RBFOX1: variants seen among roughly 807,000 people sequenced by gnomAD.
RBFOX1 encodes the protein RNA binding fox-1 homolog 1, also known as RNA binding protein fox-1 homolog 1.
RBFOX1 carries 8 observed loss-of-function variants against 57.7 expected under a neutral mutation model. The observed-to-expected ratio is 0.14, with a 90% CI of 0.08 to 0.25. The LOEUF (loss-of-function observed/expected upper bound fraction) is 0.25, where lower values mean the gene tolerates loss of function less well. Among genes scored for constraint, RBFOX1 ranks in the 10% least tolerant of loss-of-function variants. The pLI is 1.00. For missense variants in RBFOX1, 611 were observed against 548.5 expected (o/e 1.11, Z -1.14); for synonymous variants, 326 against 222.4 (o/e 1.47, Z -4.15).
chr16:7,000,857 C>T (rs1029993302), intron 3 of RBFOX1, among the ~76,000 whole-genome samples: 6 of 152,070 alleles, frequency 3.9e-5, no homozygotes, highest in African/African-American at 1.4e-4. Flanking sequence ...CCGCCTCGGC[C>T]TCCCAAAGTG....
intron 10 of RBFOX1, among the ~76,000 whole-genome samples, chr16:7,617,691 G>A (rs2058678509): frequency 6.6e-6 from 1 of 152,066 alleles, no homozygotes; most frequent in South Asian, 2.1e-4. Context: ...TATAGTATCG[G>A]GCGCTAGACA....
chr16:6,095,143 A>G (rs2096229028), intron 1 of RBFOX1, among the ~76,000 whole-genome samples: 1 of 152,238 alleles, frequency 6.6e-6, no homozygotes, highest in Non-Finnish European at 1.5e-5. Flanking sequence ...CCATACATAT[A>G]TCATCATCCT....
At chr16:7,235,518 G>GC (rs1227296428) in intron 4 of RBFOX1, among the ~76,000 whole-genome samples, 1 of 152,136 alleles carries the variant, frequency 6.6e-6, no homozygotes, top group Non-Finnish European at 1.5e-5. Flanking sequence ...CATTTTATGG[G>GC]CCCCCGTAGC....
chr16:6,067,412 C>T (rs562097889), intron 1 of RBFOX1, among the ~76,000 whole-genome samples: 3 of 151,988 alleles, frequency 2.0e-5, no homozygotes, highest in African/African-American at 7.3e-5. Flanking sequence ...AACAAACACC[C>T]TGAAAATACA....
chr16:5,459,117 T>C (rs1483175263), intron 1 of RBFOX1, among the ~76,000 whole-genome samples: 2 of 152,156 alleles, frequency 1.3e-5, no homozygotes, highest in East Asian at 1.9e-4. Flanking sequence ...ACTCTCAGAG[T>C]CTCTGGTGAA....
intron 2 of RBFOX1, among the ~76,000 whole-genome samples, chr16:6,505,119 AT>A (rs887742935): frequency 4.6e-5 from 7 of 151,910 alleles, no homozygotes; most frequent in Admixed American, 1.3e-4. Flanking sequence ...TACTCAAATT[AT>A]TTTTTTTCCT....
At chr16:6,347,616 G>C (rs985081193) in intron 2 of RBFOX1, among the ~76,000 whole-genome samples, 3 of 152,128 alleles carry the variant, frequency 2.0e-5, no homozygotes, top group African/African-American at 7.2e-5. Context: ...GAGACGGTTG[G>C]GTGAAGGAGA....
chr16:7,582,047 T>C (rs1396463316), intron 6 of RBFOX1, among the ~76,000 whole-genome samples: 2 of 145,278 alleles, frequency 1.4e-5, no homozygotes, highest in Non-Finnish European at 3.0e-5. Flanking sequence ...CCCTTTTTTT[T>C]GTGACAAAGT....
chr16:7,006,155 TA>T (rs1440637170), intron 3 of RBFOX1, among the ~76,000 whole-genome samples: 20 of 152,168 alleles, frequency 1.3e-4, no homozygotes, highest in African/African-American at 4.6e-4. Flanking sequence ...TTTATTTATT[TA>T]TTTATTTTTT....
chr16:5,310,146 C>T (rs1225784638), intron 1 of RBFOX1, among the ~76,000 whole-genome samples: 2 of 152,160 alleles, frequency 1.3e-5, no homozygotes, highest in Non-Finnish European at 2.9e-5. Flanking sequence ...GGACTTTGAT[C>T]CCAGCACTTT....
intron 5 of RBFOX1, among the ~76,000 whole-genome samples, chr16:7,578,596 G>C (rs1429330801): frequency 6.6e-6 from 1 of 152,106 alleles, no homozygotes; most frequent in Non-Finnish European, 1.5e-5. Context: ...TTTTACACCT[G>C]GCTGCCTACA....
chr16:6,933,522 G>A (rs568229161), intron 3 of RBFOX1, among the ~76,000 whole-genome samples: 64 of 152,334 alleles, frequency 4.2e-4, no homozygotes, highest in Non-Finnish European at 7.6e-4. Flanking sequence ...AGACCAGCCT[G>A]ACCAGCATGG....
intron 1 of RBFOX1, among the ~76,000 whole-genome samples, chr16:5,267,260 A>G (rs1299401029): frequency 6.6e-6 from 1 of 151,886 alleles, no homozygotes; most frequent in Non-Finnish European, 1.5e-5. Flanking sequence ...TATTGTCCAT[A>G]TAAACATTAA....
At chr16:6,386,699 A>G (rs1421087082) in intron 2 of RBFOX1, among the ~76,000 whole-genome samples, 1 of 152,244 alleles carries the variant, frequency 6.6e-6, no homozygotes, top group African/African-American at 2.4e-5. Flanking sequence ...ACATAGTAGG[A>G]ACTCAAGTGA....
intron 1 of RBFOX1, among the ~76,000 whole-genome samples, chr16:6,306,372 A>T (rs1341208698): frequency 6.6e-6 from 1 of 152,152 alleles, no homozygotes; most frequent in Non-Finnish European, 1.5e-5. Context: ...GTTGCAGGGG[A>T]CCCTGAGGGC....
rs1442516888 is a variant in RBFOX1 at position 6,676,489 on chromosome 16, C to T, written c.-16+21839C>T. ...CAGAAAGGTCCTGAATGGGGAGGGCCTTGGGAATGAAAACTTTGACTTGAT... is the reference window on the plus strand; with the variant it reads ...CAGAAAGGTCCTGAATGGGGAGGGCTTTGGGAATGAAAACTTTGACTTGAT... On this transcript the variant is annotated intron_variant, in intron 3 of 15. Coordinates refer to ENST00000550418, the MANE Select transcript of RBFOX1 (RefSeq NM_018723.4). 4.6e-5 allele frequency among the ~76,000 whole-genome samples: 7 copies of T among 151,996 alleles called. No homozygotes were observed. In the South Asian group the frequency reaches 1.5e-3, roughly 32 times the overall value.
chr16:6,575,501 A>C (rs1353919989), intron 2 of RBFOX1, among the ~76,000 whole-genome samples: 5 of 152,194 alleles, frequency 3.3e-5, no homozygotes, highest in Non-Finnish European at 7.3e-5. Context: ...TTCTAAATAA[A>C]GACCCAAAAC....
chr16:7,498,090 C>T (rs766483766), intron 4 of RBFOX1, among the ~76,000 whole-genome samples: 1 of 152,140 alleles, frequency 6.6e-6, no homozygotes, highest in Non-Finnish European at 1.5e-5. Flanking sequence ...TCCGAAGCAG[C>T]CTTCTGTGAA....
chr16:5,410,211 A>T (rs1006919831), intron 1 of RBFOX1, among the ~76,000 whole-genome samples: 1 of 151,870 alleles, frequency 6.6e-6, no homozygotes, highest in African/African-American at 2.4e-5. Flanking sequence ...AAAAGAAAAA[A>T]ACTACAAAAA....
Sources: allele counts gnomAD v4.1 joint callset (sites outside exome capture counted in the v4.1 genomes callset), GRCh38; gene constraint gnomAD v4.1.1; transcripts MANE v1.5; gene names NCBI Gene and HGNC (gene_info 2026-07-23, HGNC 2026-07-21).